ADAM10: variants seen among roughly 807,000 people sequenced by gnomAD.
ADAM10 encodes disintegrin and metalloproteinase domain-containing protein 10.
A neutral mutation model predicts 90.1 loss-of-function variants in ADAM10; 17 were observed. The observed-to-expected ratio is 0.19, with a 90% CI of 0.13 to 0.28. The LOEUF is 0.28. ADAM10 is among the 10% of genes least tolerant of loss of function. The pLI is 1.00. For missense variants in ADAM10, 610 were observed against 914.3 expected, an observed-to-expected ratio of 0.67 and a Z score of 4.29; for synonymous variants, 310 against 298.6, an observed-to-expected ratio of 1.04 and a Z score of -0.40.
chr15:58,711,370 T>A (rs1024321012), intron 2 of ADAM10, among the ~76,000 whole-genome samples: 1 of 152,234 alleles, frequency 6.6e-6, no homozygotes, highest in Non-Finnish European at 1.5e-5. Flanking sequence ...TTGTAGAATT[T>A]TAAAGCATAA....
intron 11 of ADAM10, among the ~76,000 whole-genome samples, chr15:58,617,631 T>C (rs1895655509): frequency 6.6e-6 from 1 of 152,134 alleles, no homozygotes; most frequent in Non-Finnish European, 1.5e-5. Context: ...TTCCTGTTTG[T>C]AGACAGCATA....
intron 11 of ADAM10, among the ~76,000 whole-genome samples, chr15:58,616,021 T>G (rs1442004660): frequency 6.6e-6 from 1 of 151,480 alleles, no homozygotes; most frequent in Non-Finnish European, 1.5e-5. Context: ...AAAAAAACTG[T>G]GAAAAGAGAC....
chr15:58,614,770 C>T (rs1470086322), intron 11 of ADAM10, among the ~76,000 whole-genome samples: 1 of 152,036 alleles, frequency 6.6e-6, no homozygotes, highest in African/African-American at 2.4e-5. Context: ...CAAAAAAAAC[C>T]AATAATCACC....
At chr15:58,661,301 G>A (rs1221039895) in intron 5 of ADAM10, among the ~76,000 whole-genome samples, 3 of 151,934 alleles carry the variant, frequency 2.0e-5, no homozygotes, top group African/African-American at 7.3e-5. Context: ...ATCTTTTTCT[G>A]CCTGAAGAAC....
intron 2 of ADAM10, among the ~76,000 whole-genome samples, chr15:58,697,890 C>T (rs538833578): frequency 6.6e-6 from 1 of 152,298 alleles, no homozygotes; most frequent in South Asian, 2.1e-4. Context: ...CCCTACATCA[C>T]TGAGAAAATC....
intron 14 of ADAM10, among the ~76,000 whole-genome samples, chr15:58,601,602 C>T (rs1031270415): frequency 1.3e-5 from 2 of 152,116 alleles, no homozygotes; most frequent in Non-Finnish European, 2.9e-5. Flanking sequence ...TCCTAGATAA[C>T]AAGACAATCA....
chr15:58,717,939 T>C (rs368528688), intron 1 of ADAM10, among the ~76,000 whole-genome samples: 3 of 152,112 alleles, frequency 2.0e-5, no homozygotes, highest in African/African-American at 7.2e-5. Context: ...ATGTTAGCCA[T>C]AGGTTTGTTT....
At chr15:58,686,532 A>C (rs1233927285) in intron 2 of ADAM10, 7 of 1,419,880 alleles carry the variant, frequency 4.9e-6, no homozygotes, top group Non-Finnish European at 6.9e-6. Context: ...TACTGTATGC[A>C]GAATGCCTGC....
At chr15:58,683,882 A>G (rs961448846) in intron 2 of ADAM10, among the ~76,000 whole-genome samples, 1 of 150,770 alleles carries the variant, frequency 6.6e-6, no homozygotes, top group East Asian at 1.9e-4. Context: ...AAAAAAAAAA[A>G]AGAGAAGGAA....
At chr15:58,708,647 T>C (rs540290783) in intron 2 of ADAM10, among the ~76,000 whole-genome samples, 1 of 152,276 alleles carries the variant, frequency 6.6e-6, no homozygotes, top group East Asian at 1.9e-4. Flanking sequence ...CCATCCTAAA[T>C]AAATAATAAA....
At chr15:58,747,596 A>C (rs1334628482) in intron 1 of ADAM10, 3 of 152,208 alleles carry the variant, frequency 2.0e-5, no homozygotes, top group Admixed American at 2.0e-4. Flanking sequence ...AGTATCTCCA[A>C]GTACCCAAAA....
At chr15:58,686,500 G>A in intron 2 of ADAM10, 3 of 1,424,170 alleles carry the variant, frequency 2.1e-6, no homozygotes, top group Non-Finnish European at 2.9e-6. Context: ...ATGTCTCTCA[G>A]GCAGCCGCAG....
chr15:58,697,667 T>C (rs1357172977), intron 2 of ADAM10, among the ~76,000 whole-genome samples: 2 of 151,988 alleles, frequency 1.3e-5, no homozygotes, highest in Admixed American at 6.5e-5. Flanking sequence ...CCATGCCACA[T>C]ACGCTGCCCA....
chr15:58,716,541 C>T (rs747693019), intron 2 of ADAM10, among the ~76,000 whole-genome samples: 8 of 152,170 alleles, frequency 5.3e-5, no homozygotes, highest in Non-Finnish European at 1.0e-4. Context: ...GAAATACACA[C>T]TTGATGCTGG....
chr15:58,712,069 T>C (rs1898491631), intron 2 of ADAM10, among the ~76,000 whole-genome samples: 1 of 152,210 alleles, frequency 6.6e-6, no homozygotes, highest in South Asian at 2.1e-4. Flanking sequence ...GTTTTTCTCA[T>C]GCTATATTAA....
chr15:58,603,828 C>T (rs1895182228), intron 14 of ADAM10, among the ~76,000 whole-genome samples: 1 of 125,924 alleles, frequency 7.9e-6, no homozygotes, highest in Non-Finnish European at 1.6e-5. Flanking sequence ...TAGACAGTTT[C>T]GAAGAATACA....
intron 5 of ADAM10, among the ~76,000 whole-genome samples, chr15:58,646,681 T>C (rs1419098363): frequency 6.6e-6 from 1 of 152,212 alleles, no homozygotes; most frequent in Non-Finnish European, 1.5e-5. Context: ...TGGCCTTACA[T>C]CTCTTCTCCA....
rs1187682366 is a variant in ADAM10 at position 58,589,955 on chromosome 15, G to C, written c.*7592C>G. On this transcript the variant is annotated 3_prime_UTR_variant, in exon 16 of 16. Coordinates refer to ENST00000260408, the MANE Select transcript of ADAM10 (RefSeq NM_001110.4). The stretch of plus-strand genomic sequence containing the variant: ...CTTCAGCAAATGAATGCAATGCAAA[G>C]CAAAAAATGAAAAAACATTTAAAAA... 2.0e-5 allele frequency: 3 copies of C among 151,748 alleles called. No individual in the cohort carries two copies. Among genetic ancestry groups the C allele is most frequent in the African/African-American group, 7.3e-5 (3 of 41,304 alleles). 9.4% of individuals were successfully genotyped at this position (151,748 alleles called of 1,614,324 possible).
chr15:58,619,198 A>T (rs1895706587), intron 11 of ADAM10, among the ~76,000 whole-genome samples: 1 of 152,208 alleles, frequency 6.6e-6, no homozygotes, highest in Admixed American at 6.5e-5. Context: ...ACGGAAATAG[A>T]AGTCATCATG....
Sources: gnomAD v4.1 joint callset for allele counts (sites outside exome capture counted in the v4.1 genomes callset) on GRCh38, gnomAD v4.1.1 for gene constraint, MANE v1.5 for transcripts, NCBI Gene and HGNC (gene_info 2026-07-23, HGNC 2026-07-21) for gene names.